SEMA3E: variants seen among roughly 807,000 people sequenced by gnomAD.
SEMA3E encodes the protein semaphorin 3E.
In SEMA3E, 49 loss-of-function variants were observed where a neutral mutation model predicts 93.6. The observed-to-expected ratio is 0.52, with a 90% CI of 0.42 to 0.66. The LOEUF (loss-of-function observed/expected upper bound fraction) is 0.66. Among genes scored for constraint, SEMA3E ranks in the 30% least tolerant of loss-of-function variants. SEMA3E has a pLI of 0.00. For missense variants in SEMA3E, 906 were observed against 964.8 expected, an observed-to-expected ratio of 0.94 and a Z score of 0.81; for synonymous variants, 363 against 330.7, an observed-to-expected ratio of 1.10 and a Z score of -1.06.
chr7:83,460,102 C>T (rs1296188767), intron 4 of SEMA3E, among the ~76,000 whole-genome samples: 1 of 152,158 alleles, frequency 6.6e-6, no homozygotes, highest in East Asian at 1.9e-4. Flanking sequence ...GTGGTCTCTT[C>T]ACACGGACGT....
Position 83,363,385 on chromosome 7 carries a change from CTAA to C in SEMA3E, c.*4198_*4200del, listed in dbSNP as rs1212341780. The C allele has an allele frequency of 6.6e-6, 1 of 152,102 alleles. No homozygotes were observed. The highest frequency in any genetic ancestry group is 1.5e-5 in the Non-Finnish European group (1 of 68,048). The allele number at this position is 152,102 out of a possible 1,614,324, so 9.4% of individuals were successfully genotyped here. The stretch of plus-strand genomic sequence containing the variant: ...GGTCCCTGCAGCTTGCCACCAGATG[CTAA>C]TAAGTCTCATGGCTTAGAATCAGTG... On this transcript the variant is annotated 3_prime_UTR_variant, in exon 17 of 17. Transcript: ENST00000643230.
chr7:83,624,335 CA>C (rs952791555), intron 1 of SEMA3E, among the ~76,000 whole-genome samples: 14 of 152,282 alleles, frequency 9.2e-5, no homozygotes, highest in Admixed American at 2.0e-4. Flanking sequence ...ATTTACACTC[CA>C]ACCAACAGTG....
chr7:83,407,367 T>A lies in SEMA3E; in HGVS notation c.671-128A>T, dbSNP rs934286634. 2.8e-5 allele frequency: 24 copies of A among 854,580 alleles called. 1 individual carries two copies. In the African/African-American group the frequency reaches 3.8e-4, roughly 13 times the overall value. The allele number at this position is 854,580 out of a possible 1,614,324, so 52.9% of individuals were successfully genotyped here. A position where few individuals can be genotyped will look rare whatever the true frequency, so the allele number is the denominator to read the frequency against. ...CTTTCACCATTTCATAAAGAAATAT[T>A]TTTCTTGAATTTTTTTACCAAACAT... On this transcript the variant is annotated intron_variant, in intron 6 of 16. Coordinates refer to ENST00000643230, the MANE Select transcript of SEMA3E (RefSeq NM_012431.3).
Position 83,490,242 on chromosome 7 carries a change from G to A in SEMA3E, c.148C>T (p.His50Tyr). ...LLNLNRTSIF[H>Y]SPFGFLDLHT... Reference sequence around the variant, plus strand: ...AGATCAAGAAATCCAAAAGGGCTATGAAATATTGATGTTCTGTTCAGATTC... The same window carrying A: ...AGATCAAGAAATCCAAAAGGGCTATAAAATATTGATGTTCTGTTCAGATTC... The change falls in exon 2 of 17, where the codon CAT becomes TAT. Residue 50 changes from histidine (H) to tyrosine (Y), a missense_variant. His to Tyr is a moderately conservative substitution (Grantham distance 83). Transcript: ENST00000643230. 1.2e-6 allele frequency: 2 copies of A among 1,612,756 alleles called. No homozygotes were observed. The highest frequency in any genetic ancestry group is 1.7e-6 in the Non-Finnish European group (2 of 1,179,386).
chr7:83,454,524 T>C (rs1415927995), intron 4 of SEMA3E, among the ~76,000 whole-genome samples: 2 of 151,878 alleles, frequency 1.3e-5, no homozygotes, highest in Non-Finnish European at 2.9e-5. Context: ...AAAAGGCACA[T>C]TTCAGTCACA....
intron 16 of SEMA3E, among the ~76,000 whole-genome samples, chr7:83,380,460 T>C (rs1015802684): frequency 6.6e-6 from 1 of 151,948 alleles, no homozygotes; most frequent in African/African-American, 2.4e-5. Context: ...CTACTCATTT[T>C]TGCATCCTCA....
chr7:83,441,796 A>C (rs1789119654), intron 4 of SEMA3E, among the ~76,000 whole-genome samples: 1 of 152,200 alleles, frequency 6.6e-6, no homozygotes. Flanking sequence ...TATACAATTA[A>C]TATCACCACT....
At chr7:83,459,016 T>C (rs947429661) in intron 4 of SEMA3E, among the ~76,000 whole-genome samples, 5 of 147,546 alleles carry the variant, frequency 3.4e-5, no homozygotes, top group South Asian at 4.2e-4. Context: ...AGTGGGTAAA[T>C]GAAGAAATAT....
In SEMA3E at chr7:83,400,140, G is replaced by T; in HGVS notation, c.1254C>A (p.Ala418=). Residue 418 remains alanine (A), a synonymous_variant, in exon 11 of 17, where the codon GCC becomes GCA. Coordinates refer to ENST00000643230, the MANE Select transcript of SEMA3E (RefSeq NM_012431.3). The part of the protein sequence containing the change: ...HPLMYQAIKP[A]HKKPILVKTD... ...TTTTTACCAATATTGGTTTTTTATGGGCAGGTTTTATGGCCTGGTACATTA... is the reference window on the plus strand; with the variant it reads ...TTTTTACCAATATTGGTTTTTTATGTGCAGGTTTTATGGCCTGGTACATTA... The T allele has an allele frequency of 6.2e-7, 1 of 1,613,766 alleles. No homozygotes were observed. Among genetic ancestry groups the T allele is most frequent in the Non-Finnish European group, 8.5e-7 (1 of 1,179,888 alleles).
At chr7:83,451,571 A>G (rs1789359517) in intron 4 of SEMA3E, among the ~76,000 whole-genome samples, 1 of 152,156 alleles carries the variant, frequency 6.6e-6, no homozygotes, top group Non-Finnish European at 1.5e-5. Context: ...TGAGTAGCAA[A>G]TGCAAATGCC....
At position 83,364,584 on chromosome 7, in the gene SEMA3E, G is replaced by A. The variant is rs934897659; in HGVS notation, c.*3002C>T. ...TATAGAATTATAGACGTGGAATCAC[G>A]AAGTAAAATCTTTTTTGTTAACAAA... is the stretch of plus-strand genomic sequence containing the variant. On this transcript the variant is annotated 3_prime_UTR_variant, in exon 17 of 17. Transcript: ENST00000643230. 6.6e-6 allele frequency: 1 copy of A among 152,172 alleles called. No homozygotes were observed. The highest frequency in any genetic ancestry group is 1.5e-5 in the Non-Finnish European group (1 of 68,034). 9.4% of individuals were successfully genotyped at this position (152,172 alleles called of 1,614,324 possible).
At chr7:83,564,184 T>C (rs1344806326) in intron 1 of SEMA3E, among the ~76,000 whole-genome samples, 1 of 152,212 alleles carries the variant, frequency 6.6e-6, no homozygotes, top group Non-Finnish European at 1.5e-5. Context: ...ATAAAATCAT[T>C]TTTTAATATT....
At chr7:83,519,478 C>A (rs966241792) in intron 1 of SEMA3E, among the ~76,000 whole-genome samples, 2 of 152,046 alleles carry the variant, frequency 1.3e-5, no homozygotes, top group African/African-American at 4.8e-5. Flanking sequence ...AGTAGATATA[C>A]TAAATTTTTT....
rs1171093535 is a variant in SEMA3E, at chr7:83,390,094, C to T, written c.1667+2461G>A. ...GCGCGTATACGTGTGCACATATATGCGCGTATACGTGTGCACATATATGCG... is the reference window on the plus strand; with the variant it reads ...GCGCGTATACGTGTGCACATATATGTGCGTATACGTGTGCACATATATGCG... On this transcript the variant is annotated intron_variant, in intron 14 of 16. Transcript: ENST00000643230. 3.6e-4 allele frequency among the ~76,000 whole-genome samples: 38 copies of T among 106,270 alleles called. 2 individuals are homozygous for T. The highest frequency in any genetic ancestry group is 8.1e-4 in the African/African-American group (22 of 27,096). The allele number at this position is 106,270 out of a possible 152,430, so 69.7% of individuals were successfully genotyped here.
At chr7:83,460,452 C>G (rs1047229728) in intron 4 of SEMA3E, among the ~76,000 whole-genome samples, 12 of 151,968 alleles carry the variant, frequency 7.9e-5, no homozygotes, top group African/African-American at 2.7e-4. Flanking sequence ...AGGCAGCCTT[C>G]CCTTGGTGTT....
chr7:83,481,394 C>A (rs529809312), intron 2 of SEMA3E, among the ~76,000 whole-genome samples: 1 of 151,964 alleles, frequency 6.6e-6, no homozygotes, highest in Admixed American at 6.6e-5. Context: ...AACAAAAACA[C>A]GTTTTTTTTC....
At chr7:83,615,619 G>T (rs1158864343) in intron 1 of SEMA3E, among the ~76,000 whole-genome samples, 1 of 151,984 alleles carries the variant, frequency 6.6e-6, no homozygotes, top group Non-Finnish European at 1.5e-5. Flanking sequence ...CATTAATAAT[G>T]TCACTCTTTA....
chr7:83,397,880 C>G (rs551320706), intron 11 of SEMA3E, among the ~76,000 whole-genome samples: 1 of 151,936 alleles, frequency 6.6e-6, no homozygotes, highest in South Asian at 2.1e-4. Flanking sequence ...GTACACTACC[C>G]AAAGGAAACA....
chr7:83,584,794 T>A (rs1792586867), intron 1 of SEMA3E, among the ~76,000 whole-genome samples: 1 of 152,144 alleles, frequency 6.6e-6, no homozygotes, highest in Admixed American at 6.6e-5. Flanking sequence ...TATTGACAGA[T>A]AATTTGATGT....
Sources: gnomAD v4.1 joint callset for allele counts (sites outside exome capture counted in the v4.1 genomes callset) on GRCh38, gnomAD v4.1.1 for gene constraint, MANE v1.5 for transcripts, NCBI Gene and HGNC (gene_info 2026-07-23, HGNC 2026-07-21) for gene names.